CNTNAP5: variants seen among roughly 807,000 people sequenced by gnomAD.
The protein encoded by CNTNAP5 is contactin-associated protein-like 5.
CNTNAP5 carries 72 observed loss-of-function variants against 150.2 expected under a neutral mutation model. That is an observed-to-expected ratio of 0.48 (90% CI 0.40 to 0.58). The LOEUF (loss-of-function observed/expected upper bound fraction) is 0.58, where lower values mean the gene tolerates loss of function less well. CNTNAP5 is among the 20% of genes least tolerant of loss of function. The pLI is 0.00. For missense variants in CNTNAP5, 1,636 were observed against 1,626.2 expected (o/e 1.01, Z -0.10); for synonymous variants, 672 against 619.8 (o/e 1.08, Z -1.25).
At chr2:124,188,058 T>C (rs1205945324) in intron 1 of CNTNAP5, among the ~76,000 whole-genome samples, 1 of 152,100 alleles carries the variant, frequency 6.6e-6, no homozygotes, top group Non-Finnish European at 1.5e-5. Flanking sequence ...ATTTCACTAG[T>C]TTCCTGGCAT....
chr2:124,519,592 T>G lies in CNTNAP5; in HGVS notation c.1328-4711T>G, dbSNP rs538857044. ...TGTGCAGCCTCTCCACTTTTCTCTGTTACATCTATTACATGAGGGCAATCA... is the reference window on the plus strand; with the variant it reads ...TGTGCAGCCTCTCCACTTTTCTCTGGTACATCTATTACATGAGGGCAATCA... On this transcript the variant is annotated intron_variant, in intron 8 of 23. Transcript: ENST00000682447. 4.6e-5 allele frequency among the ~76,000 whole-genome samples: 7 copies of G among 152,334 alleles called. No individual in the cohort carries two copies. The East Asian group carries it at 1.4e-3, about 29-fold the overall frequency.
At chr2:124,705,547 A>G (rs1679618155) in intron 13 of CNTNAP5, among the ~76,000 whole-genome samples, 1 of 152,074 alleles carries the variant, frequency 6.6e-6, no homozygotes, top group South Asian at 2.1e-4. Context: ...AAAATAATAA[A>G]TAAATAAACA....
chr2:124,775,260 T>C (rs1681295718), intron 17 of CNTNAP5, among the ~76,000 whole-genome samples: 1 of 152,128 alleles, frequency 6.6e-6, no homozygotes. Context: ...TCAATAAATA[T>C]ATAGATAAAT....
intron 19 of CNTNAP5, among the ~76,000 whole-genome samples, chr2:124,807,093 C>T (rs1401679263): frequency 6.6e-6 from 1 of 152,090 alleles, no homozygotes; most frequent in Non-Finnish European, 1.5e-5. Context: ...CCTGTAAATA[C>T]TTACATCTTG....
intron 16 of CNTNAP5, among the ~76,000 whole-genome samples, chr2:124,767,884 T>A (rs187438534): frequency 3.9e-5 from 6 of 152,308 alleles, no homozygotes; most frequent in African/African-American, 1.2e-4. Context: ...TGGCTCTCCA[T>A]CATGGTGGAG....
intron 16 of CNTNAP5, among the ~76,000 whole-genome samples, chr2:124,766,984 T>C (rs536603199): frequency 6.6e-6 from 1 of 152,302 alleles, no homozygotes; most frequent in South Asian, 2.1e-4. Context: ...AAATATTTGT[T>C]ATTATTAATA....
At chr2:124,808,542 T>C (rs1682130923) in intron 19 of CNTNAP5, among the ~76,000 whole-genome samples, 1 of 149,812 alleles carries the variant, frequency 6.7e-6, no homozygotes, top group African/African-American at 2.5e-5. Context: ...GAGCCAAGAT[T>C]GCACCAGGGC....
At chr2:124,657,911 G>C (rs1287549230) in intron 13 of CNTNAP5, among the ~76,000 whole-genome samples, 2 of 152,154 alleles carry the variant, frequency 1.3e-5, no homozygotes, top group East Asian at 3.9e-4. Context: ...CATCCTTCCT[G>C]AATAGTCTGC....
chr2:124,130,191 T>A (rs1683811913), intron 1 of CNTNAP5, among the ~76,000 whole-genome samples: 1 of 152,142 alleles, frequency 6.6e-6, no homozygotes, highest in African/African-American at 2.4e-5. Flanking sequence ...ATTTCACTCT[T>A]AAGTTCCAAG....
intron 1 of CNTNAP5, among the ~76,000 whole-genome samples, chr2:124,214,327 A>C (rs1686098446): frequency 6.6e-6 from 1 of 152,172 alleles, no homozygotes; most frequent in South Asian, 2.1e-4. Context: ...GCCTGGAAGG[A>C]ATCCCAGAGC....
At chr2:124,201,522 G>A (rs1288635720) in intron 1 of CNTNAP5, among the ~76,000 whole-genome samples, 1 of 152,190 alleles carries the variant, frequency 6.6e-6, no homozygotes, top group Non-Finnish European at 1.5e-5. Context: ...GGTAAATAGA[G>A]TATTCAAGGG....
At chr2:124,818,349 C>A (rs993249701) in intron 19 of CNTNAP5, among the ~76,000 whole-genome samples, 2 of 151,974 alleles carry the variant, frequency 1.3e-5, no homozygotes, top group Non-Finnish European at 2.9e-5. Context: ...GAGAGACCCC[C>A]GCCTTTACAA....
At chr2:124,628,661 G>T (rs977784922) in intron 12 of CNTNAP5, among the ~76,000 whole-genome samples, 1 of 152,056 alleles carries the variant, frequency 6.6e-6, no homozygotes, top group African/African-American at 2.4e-5. Flanking sequence ...ACATTAACAA[G>T]TCTGCAAAAT....
chr2:124,914,051 A>T (rs765801473), intron 23 of CNTNAP5, 41 bp from the exon 24 acceptor site: 1 of 1,491,894 alleles, frequency 6.7e-7, no homozygotes, highest in Admixed American at 1.7e-5. Context: ...CAGATGACTC[A>T]TGACGATTTC....
chr2:124,148,514 T>C (rs938348346), intron 1 of CNTNAP5, among the ~76,000 whole-genome samples: 4 of 146,356 alleles, frequency 2.7e-5, no homozygotes, highest in African/African-American at 1.0e-4. Flanking sequence ...TATATATATA[T>C]ATAATATATA....
rs539683730 is a variant in CNTNAP5, at chr2:124,124,260, C to T, written c.83-97445C>T. 1.3e-3 allele frequency among the ~76,000 whole-genome samples: 196 copies of T among 152,016 alleles called. 1 individual carries two copies. The highest frequency in any genetic ancestry group is 7.4e-4 in the Non-Finnish European group (50 of 68,018). Reference sequence around the variant, plus strand: ...AAATCATGGCACGAGAACTATGTGACGCATGTGCAAGCTTCAGTAGATGAT... The same window carrying T: ...AAATCATGGCACGAGAACTATGTGATGCATGTGCAAGCTTCAGTAGATGAT... On this transcript the variant is annotated intron_variant, in intron 1 of 23. Transcript: ENST00000682447.
intron 1 of CNTNAP5, among the ~76,000 whole-genome samples, chr2:124,146,227 T>C (rs762006302): frequency 9.9e-5 from 15 of 152,228 alleles, no homozygotes; most frequent in Non-Finnish European, 1.9e-4. Flanking sequence ...ACCCGAGCTG[T>C]TAAATGCCTA....
intron 14 of CNTNAP5, among the ~76,000 whole-genome samples, chr2:124,750,167 T>C (rs1680694512): frequency 6.6e-6 from 1 of 152,224 alleles, no homozygotes; most frequent in Non-Finnish European, 1.5e-5. Flanking sequence ...AGTGCCATTT[T>C]CTGTGGCAAG....
chr2:124,042,082 C>T (rs540049826), intron 1 of CNTNAP5, among the ~76,000 whole-genome samples: 2 of 152,122 alleles, frequency 1.3e-5, no homozygotes, highest in Non-Finnish European at 2.9e-5. Flanking sequence ...GCTGGTCTTA[C>T]ACTCCTGACA....
Sources: gnomAD v4.1 joint callset for allele counts (sites outside exome capture counted in the v4.1 genomes callset) on GRCh38, gnomAD v4.1.1 for gene constraint, MANE v1.5 for transcripts, NCBI Gene and HGNC (gene_info 2026-07-23, HGNC 2026-07-21) for gene names.